The following RALGPS1 variants were observed in gnomAD, a reference collection of about 807,000 sequenced individuals.
RALGPS1 encodes the protein Ral GEF with PH domain and SH3 binding motif 1.
RALGPS1 carries 19 observed loss-of-function variants against 78.8 expected under a neutral mutation model. The ratio of observed to expected loss-of-function variants is 0.24; its 90% CI spans 0.17 to 0.35. The LOEUF (loss-of-function observed/expected upper bound fraction) is 0.35, where lower values mean the gene tolerates loss of function less well. Among genes scored for constraint, RALGPS1 ranks in the 10% least tolerant of loss-of-function variants. The pLI, the probability that RALGPS1 is intolerant of heterozygous loss-of-function variation, is 1.00. For synonymous variants in RALGPS1, 228 were observed against 256.3 expected (o/e 0.89, Z 1.06); for missense variants, 454 against 688.3 (o/e 0.66, Z 3.81).
intron 8 of RALGPS1, among the ~76,000 whole-genome samples, chr9:127,095,213 A>G (rs1283501106): frequency 2.0e-5 from 3 of 152,180 alleles, no homozygotes; most frequent in Admixed American, 6.5e-5. Context: ...CCTGGCTAAC[A>G]TGGTGAAACC....
intron 11 of RALGPS1, chr9:127,178,347 T>G: frequency 1.6e-6 from 1 of 610,898 alleles, no homozygotes; most frequent in East Asian, 7.2e-5. Context: ...TGCAGCTGAA[T>G]TGTGTGAACA....
chr9:126,942,490 A>G (rs1224582014), intron 1 of RALGPS1, among the ~76,000 whole-genome samples: 4 of 152,132 alleles, frequency 2.6e-5, no homozygotes, highest in Admixed American at 6.5e-5. Context: ...TATCTTCTCC[A>G]CTGTTTGAAA....
chr9:127,058,310 A>G (rs1321944436), intron 7 of RALGPS1, among the ~76,000 whole-genome samples: 1 of 152,216 alleles, frequency 6.6e-6, no homozygotes, highest in Admixed American at 6.5e-5. Context: ...GATTTTAAAC[A>G]GGAGGCGGAC....
chr9:127,150,182 G>A (rs1230455249), intron 8 of RALGPS1, among the ~76,000 whole-genome samples: 7 of 152,168 alleles, frequency 4.6e-5, no homozygotes, highest in Non-Finnish European at 8.8e-5. Context: ...TTGTGACCAC[G>A]GTCACCATTC....
intron 8 of RALGPS1, chr9:127,069,590 C>G (rs2050017904): frequency 4.7e-6 from 2 of 427,372 alleles, no homozygotes; most frequent in African/African-American, 4.0e-5. Flanking sequence ...CCTGTGGGCC[C>G]CAGGGTTCCC....
At position 127,034,648 on chromosome 9, in the gene RALGPS1, C is replaced by T; in HGVS notation, c.300+134C>T. ...GATCCAGCTTCTCATATGAGTCCCC[C>T]ACCTTTATCCAGTTTTGTGCCATTA... On this transcript the variant is annotated intron_variant, in intron 5 of 18. Coordinates refer to ENST00000259351, the MANE Select transcript of RALGPS1 (RefSeq NM_014636.3). 3 of 727,688 alleles carry T rather than the reference C, an allele frequency of 4.1e-6. No individual in the cohort carries two copies. In the East Asian group the frequency reaches 7.8e-5, roughly 19 times the overall value. 45.1% of individuals were successfully genotyped at this position (727,688 alleles called of 1,614,324 possible).
chr9:126,977,975 G>A (rs2040843551), intron 4 of RALGPS1: 1 of 404,570 alleles, frequency 2.5e-6, no homozygotes, highest in Non-Finnish European at 4.4e-6. Context: ...GGAGCAGTTG[G>A]TACCCACAGG....
chr9:127,170,220 C>T (rs1036645426), intron 10 of RALGPS1, among the ~76,000 whole-genome samples: 5 of 152,264 alleles, frequency 3.3e-5, no homozygotes, highest in African/African-American at 1.2e-4. Context: ...CTAAGGGGAA[C>T]GGATGTTCAA....
In RALGPS1 at chr9:127,158,458, T is replaced by G. The variant is rs187188259; in HGVS notation, c.611-7611T>G. On this transcript the variant is annotated intron_variant, in intron 8 of 18. Transcript: ENST00000259351. Reference sequence around the variant, plus strand: ...TTACCATAAAATTTACACATACCACTATTTTAACATCTCTTCCATATTTGA... The same window carrying G: ...TTACCATAAAATTTACACATACCACGATTTTAACATCTCTTCCATATTTGA... Among the ~76,000 whole-genome samples, 12 of 152,306 alleles carry G rather than the reference T, an allele frequency of 7.9e-5. No individual in the cohort carries two copies. In the East Asian group the frequency reaches 2.3e-3, roughly 29 times the overall value.
rs181998317 is a variant in RALGPS1, at chr9:127,135,714, G to T, written c.611-30355G>T. ...CCAGGCTCTGCTAGAGTCTGTGAAG[G>T]CGGTAGGGGAGGAAGTTTACAAAGA... is the stretch of plus-strand genomic sequence containing the variant. On this transcript the variant is annotated intron_variant, in intron 8 of 18. Coordinates refer to ENST00000259351, the MANE Select transcript of RALGPS1 (RefSeq NM_014636.3). Among the ~76,000 whole-genome samples the T allele has an allele frequency of 5.4e-3, 827 of 152,258 alleles. 24 individuals are homozygous for T. The East Asian group carries it at 0.086, about 16-fold the overall frequency.
chr9:127,132,877 C>A (rs1291157340), intron 8 of RALGPS1, among the ~76,000 whole-genome samples: 2 of 152,186 alleles, frequency 1.3e-5, no homozygotes, highest in Non-Finnish European at 2.9e-5. Context: ...CATCCTCATC[C>A]TCACCCTGCC....
intron 5 of RALGPS1, among the ~76,000 whole-genome samples, chr9:127,048,637 G>A (rs146146223): frequency 3.3e-5 from 5 of 152,278 alleles, no homozygotes; most frequent in African/African-American, 7.2e-5. Flanking sequence ...TGCCATAAAC[G>A]TGTGATTCTT....
At position 126,994,360 on chromosome 9, in the gene RALGPS1, G is replaced by A. The variant is rs10987537; in HGVS notation, c.216+16615G>A. ...AGGACCTGATGGAGCTGAAAACCAA[G>A]GCACGAGAGCTACGTGATGAATGCA... On this transcript the variant is annotated intron_variant, in intron 4 of 18. Transcript: ENST00000259351. 0.014 allele frequency among the ~76,000 whole-genome samples: 2,190 copies of A among 152,304 alleles called. 194 individuals carry two copies. In the East Asian group the frequency reaches 0.24, roughly 17 times the overall value.
chr9:127,034,603 C>A, intron 5 of RALGPS1, 89 bp downstream of exon 5: 1 of 1,166,262 alleles, frequency 8.6e-7, no homozygotes, highest in South Asian at 1.2e-5. Flanking sequence ...AGCTGTCTCC[C>A]AGGCTCCCAG....
At chr9:127,207,570 C>T (rs1396853275) in intron 14 of RALGPS1, among the ~76,000 whole-genome samples, 4 of 152,256 alleles carry the variant, frequency 2.6e-5, no homozygotes, top group African/African-American at 7.2e-5. Flanking sequence ...AATCATTTTG[C>T]ATTTTCTGGC....
chr9:127,206,264 A>G (rs2061925627), intron 14 of RALGPS1, among the ~76,000 whole-genome samples: 1 of 152,242 alleles, frequency 6.6e-6, no homozygotes, highest in Non-Finnish European at 1.5e-5. Context: ...ACAGAAGATT[A>G]GGGAAAGTAT....
At chr9:127,084,603 T>C (rs1231744671) in intron 8 of RALGPS1, among the ~76,000 whole-genome samples, 3 of 152,214 alleles carry the variant, frequency 2.0e-5, no homozygotes, top group Non-Finnish European at 4.4e-5. Flanking sequence ...GAATGGTCCC[T>C]TGAAGTCCCT....
intron 8 of RALGPS1, among the ~76,000 whole-genome samples, chr9:127,077,989 G>A (rs1315619011): frequency 6.6e-6 from 1 of 152,160 alleles, no homozygotes; most frequent in Non-Finnish European, 1.5e-5. Flanking sequence ...TGCCCTGATG[G>A]CCACATGCTA....
At chr9:127,200,087 C>T (rs533526258) in intron 14 of RALGPS1, among the ~76,000 whole-genome samples, 1 of 152,278 alleles carries the variant, frequency 6.6e-6, no homozygotes, top group African/African-American at 2.4e-5. Flanking sequence ...TATACACTCA[C>T]ACGTACATAT....
Sources: allele counts gnomAD v4.1 joint callset (sites outside exome capture counted in the v4.1 genomes callset), GRCh38; gene constraint gnomAD v4.1.1; transcripts MANE v1.5; gene names NCBI Gene and HGNC (gene_info 2026-07-23, HGNC 2026-07-21).